Variants in FHIT observed in about 807,000 individuals in gnomAD.
FHIT encodes the protein fragile histidine triad diadenosine triphosphatase.
In FHIT, 19 loss-of-function variants were observed where a neutral mutation model predicts 17.9. The observed-to-expected ratio is 1.06, with a 90% CI of 0.74 to 1.56. The LOEUF is 1.56. Among genes scored for constraint, FHIT ranks in the 40% most tolerant of loss-of-function variants. FHIT has a pLI of 0.00. For missense variants in FHIT, 248 were observed against 189.2 expected (o/e 1.31, Z -1.82); for synonymous variants, 81 against 69.7 (o/e 1.16, Z -0.81).
chr3:59,958,752 C>G (rs1559498738), intron 7 of FHIT, among the ~76,000 whole-genome samples: 1 of 152,264 alleles, frequency 6.6e-6, no homozygotes, highest in African/African-American at 2.4e-5. Context: ...AAGTCTCTTC[C>G]GGGGCCAACC....
At chr3:59,755,736 T>A (rs1387766548) in intron 8 of FHIT, among the ~76,000 whole-genome samples, 1 of 152,152 alleles carries the variant, frequency 6.6e-6, no homozygotes, top group Non-Finnish European at 1.5e-5. Context: ...AACGGCTGAT[T>A]CTTAGTGAGA....
At chr3:60,816,741 C>T (rs1553737833) in intron 4 of FHIT, among the ~76,000 whole-genome samples, 1 of 151,754 alleles carries the variant, frequency 6.6e-6, no homozygotes, top group East Asian at 1.9e-4. Context: ...CAGGGTGATG[C>T]ACAGAATGAG....
rs781833907 is a variant in FHIT at position 60,688,768 on chromosome 3, CTTTATACTA to C, written c.-18+133142_-18+133150del. Among the ~76,000 whole-genome samples, 8 of 152,054 alleles carry C rather than the reference CTTTATACTA, an allele frequency of 5.3e-5. No individual in the cohort carries two copies. In the South Asian group the frequency reaches 1.7e-3, roughly 32 times the overall value. On this transcript the variant is annotated intron_variant, in intron 4 of 9. Coordinates refer to ENST00000492590, the MANE Select transcript of FHIT (RefSeq NM_002012.4). ...ATCTAATTTTTCTTCCACTGGGGGA[CTTTATACTA>C]TTTATTTTTATTGCCGTAAATGATA...
intron 5 of FHIT, among the ~76,000 whole-genome samples, chr3:60,376,335 G>A (rs1700561247): frequency 6.6e-6 from 1 of 152,120 alleles, no homozygotes; most frequent in Non-Finnish European, 1.5e-5. Flanking sequence ...TTAATAAGTT[G>A]GTTAAGTGAA....
At chr3:60,356,691 C>A (rs919533655) in intron 5 of FHIT, among the ~76,000 whole-genome samples, 11 of 124,190 alleles carry the variant, frequency 8.9e-5, no homozygotes, top group South Asian at 8.6e-4. Flanking sequence ...TGACAAAAAT[C>A]TTCTATTCTT....
chr3:60,006,453 T>G (rs962426241), intron 7 of FHIT, among the ~76,000 whole-genome samples: 2 of 152,096 alleles, frequency 1.3e-5, no homozygotes, highest in Non-Finnish European at 2.9e-5. Flanking sequence ...GAAACTGAGA[T>G]TGAGATTAAC....
intron 5 of FHIT, among the ~76,000 whole-genome samples, chr3:60,426,899 C>G (rs1702689114): frequency 6.6e-6 from 1 of 152,036 alleles, no homozygotes; most frequent in African/African-American, 2.4e-5. Context: ...TATATGTAAC[C>G]CATATAATTC....
chr3:61,025,461 T>G (rs2032683095), intron 3 of FHIT, among the ~76,000 whole-genome samples: 1 of 152,154 alleles, frequency 6.6e-6, no homozygotes, highest in South Asian at 2.1e-4. Flanking sequence ...AGGAATGAAT[T>G]TTAGTTTGCT....
At chr3:60,598,193 C>A (rs2038331353) in intron 4 of FHIT, among the ~76,000 whole-genome samples, 1 of 151,980 alleles carries the variant, frequency 6.6e-6, no homozygotes, top group South Asian at 2.1e-4. Context: ...TTTGGGGGGA[C>A]AATTTAAAGA....
chr3:59,940,367 A>T (rs931320), intron 7 of FHIT, among the ~76,000 whole-genome samples: 58,964 of 152,088 alleles, frequency 0.39, 12,813 homozygotes, highest in East Asian at 0.89. Flanking sequence ...TCTCTTAAGG[A>T]CTTTACCATT....
chr3:60,622,893 T>C (rs2107756220), intron 4 of FHIT, among the ~76,000 whole-genome samples: 1 of 152,318 alleles, frequency 6.6e-6, no homozygotes, highest in African/African-American at 2.4e-5. Flanking sequence ...GCATCTCTTC[T>C]CCCAGGCTCC....
intron 5 of FHIT, among the ~76,000 whole-genome samples, chr3:60,137,199 G>A (rs9681146): frequency 0.11 from 16,945 of 152,084 alleles, 1,205 homozygotes; most frequent in African/African-American, 0.2. Context: ...TCCCTAGAGC[G>A]GAATGGTTTT....
chr3:60,047,823 A>T (rs1045404809), intron 5 of FHIT, among the ~76,000 whole-genome samples: 2 of 152,208 alleles, frequency 1.3e-5, no homozygotes, highest in African/African-American at 4.8e-5. Context: ...TAGATTTAAG[A>T]TCAACCCCAT....
At chr3:60,046,598 C>G (rs1023708760) in intron 5 of FHIT, among the ~76,000 whole-genome samples, 4 of 152,166 alleles carry the variant, frequency 2.6e-5, no homozygotes, top group African/African-American at 9.7e-5. Context: ...CAGAGCTAGC[C>G]TCTGACTGAG....
chr3:60,191,424 G>T (rs535690403), intron 5 of FHIT, among the ~76,000 whole-genome samples: 1 of 152,148 alleles, frequency 6.6e-6, no homozygotes, highest in African/African-American at 2.4e-5. Context: ...TAACTAGCAA[G>T]ATAAAAAGCA....
At position 60,572,504 on chromosome 3, in the gene FHIT, T is replaced by C. The variant is rs181952625; in HGVS notation, c.-17-35525A>G. 2.1e-4 allele frequency among the ~76,000 whole-genome samples: 32 copies of C among 151,306 alleles called. No individual in the cohort carries two copies. The East Asian group carries it at 4.9e-3, about 23-fold the overall frequency. On this transcript the variant is annotated intron_variant, in intron 4 of 9. Transcript: ENST00000492590. Reference sequence around the variant, plus strand: ...AATGGCTAAAAATCCACAGCCAATATTTTCAGAAAGATCACACAAATGCAC... The same window carrying C: ...AATGGCTAAAAATCCACAGCCAATACTTTCAGAAAGATCACACAAATGCAC...
Position 60,711,362 on chromosome 3 carries a change from G to C in FHIT, c.-18+110557C>G, listed in dbSNP as rs180894436. The stretch of plus-strand genomic sequence containing the variant: ...AAAAAACTGGAAACTCTAAAAAGCA[G>C]AGCGCCTCTCCTCCTCCAAAGGAAC... On this transcript the variant is annotated intron_variant, in intron 4 of 9. Transcript: ENST00000492590. Among the ~76,000 whole-genome samples, 831 of 152,316 alleles carry C rather than the reference G, an allele frequency of 5.5e-3. 3 individuals carry two copies. The highest frequency in any genetic ancestry group is 0.015 in the South Asian group (71 of 4,830).
chr3:60,223,130 C>T (rs765615019), intron 5 of FHIT, among the ~76,000 whole-genome samples: 2 of 152,118 alleles, frequency 1.3e-5, no homozygotes, highest in Non-Finnish European at 2.9e-5. Flanking sequence ...AGACTTTCTT[C>T]CAGGGATAGA....
intron 2 of FHIT, among the ~76,000 whole-genome samples, chr3:61,130,507 T>C (rs763814649): frequency 6.6e-5 from 10 of 152,184 alleles, no homozygotes; most frequent in South Asian, 2.1e-4. Flanking sequence ...ACCATTATCA[T>C]TGTTCACAGA....
Sources: allele counts gnomAD v4.1 joint callset (sites outside exome capture counted in the v4.1 genomes callset), GRCh38; gene constraint gnomAD v4.1.1; transcripts MANE v1.5; gene names NCBI Gene and HGNC (gene_info 2026-07-23, HGNC 2026-07-21).